The following MYPN variants were observed in gnomAD, a reference collection of about 807,000 sequenced individuals.
The protein encoded by MYPN is myopalladin, also known as sarcomeric protein myopalladin, 145 kDa (MYOP).
A neutral mutation model predicts 129.4 loss-of-function variants in MYPN; 63 were observed. The ratio of observed to expected loss-of-function variants is 0.49; its 90% CI spans 0.40 to 0.60. The LOEUF (loss-of-function observed/expected upper bound fraction) is 0.60, where lower values mean the gene tolerates loss of function less well. MYPN is among the 20% of genes least tolerant of loss of function. The pLI is 0.00. For synonymous variants in MYPN, 629 were observed against 600.9 expected, an observed-to-expected ratio of 1.05 and a Z score of -0.68; for missense variants, 1,596 against 1,635.4, an observed-to-expected ratio of 0.98 and a Z score of 0.42.
At chr10:68,115,922 A>G (rs1007333050) in intron 1 of MYPN, among the ~76,000 whole-genome samples, 3 of 152,172 alleles carry the variant, frequency 2.0e-5, no homozygotes, top group Admixed American at 2.0e-4. Context: ...AGATGGTCAC[A>G]TGAGTAACTT....
rs376769886 is a variant in MYPN, at chr10:68,136,131, C to G, written c.903-6809C>G. ...TTTAGAATAAATAGTAACCTCACAG[C>G]AGAATGGTGATAAAGAGCCAAAAGT... On this transcript the variant is annotated intron_variant, in intron 2 of 19. Transcript: ENST00000358913. 4 of 622,014 alleles carry G rather than the reference C, an allele frequency of 6.4e-6. No homozygotes were observed. In the South Asian group the frequency reaches 2.9e-4, roughly 45 times the overall value. 38.5% of individuals were successfully genotyped at this position (622,014 alleles called of 1,614,324 possible).
chr10:68,168,991 TAAAAAAAAAAAAA>T (rs71009012), intron 10 of MYPN, among the ~76,000 whole-genome samples: 2 of 80,304 alleles, frequency 2.5e-5, no homozygotes, highest in African/African-American at 6.2e-5. Flanking sequence ...GATTATTTCT[TAAAAAAAAAAAAA>T]AAAAAAAAAA....
intron 3 of MYPN, among the ~76,000 whole-genome samples, chr10:68,144,103 G>A (rs866415565): frequency 3.5e-4 from 53 of 152,128 alleles, no homozygotes; most frequent in Middle Eastern, 3.4e-3. Context: ...TATACTGCAG[G>A]GAGTCAAGGA....
chr10:68,123,721 A>ATAAATAAG (rs1417854229), intron 2 of MYPN, among the ~76,000 whole-genome samples: 34 of 139,734 alleles, frequency 2.4e-4, no homozygotes, highest in African/African-American at 6.9e-4. Context: ...AAATAAATAA[A>ATAAATAAG]TAAGTATAAT....
chr10:68,136,879 CA>C (rs1277474291), intron 2 of MYPN: 3 of 875,324 alleles, frequency 3.4e-6, no homozygotes, highest in Non-Finnish European at 3.3e-6. Context: ...TATTAAAGAA[CA>C]GACCATTTTC....
rs141983653 is a variant in MYPN, at chr10:68,121,842, C to G, written c.404C>G (p.Ala135Gly). 5.3e-5 allele frequency: 86 copies of G among 1,613,930 alleles called. No individual in the cohort carries two copies. The Admixed American group carries it at 9.8e-4, about 18-fold the overall frequency. The change falls in exon 2 of 20, where the codon GCA (alanine) becomes GGA (glycine). Residue 135 changes from alanine (A) to glycine (G), a missense_variant. Physicochemically the swap from Ala to Gly is moderately conservative, Grantham distance 60 (BLOSUM62 0). Coordinates refer to ENST00000358913, the MANE Select transcript of MYPN (RefSeq NM_032578.4). ...PTSSKESPQE[A>G]KRPQYCSETQ... ...AGCTCTAAAGAAAGCCCCCAGGAGG[C>G]AAAAAGGCCACAGTATTGTTCTGAA...
upstream of MYPN, among the ~76,000 whole-genome samples, chr10:68,104,633 T>C (rs1024738306): frequency 7.9e-5 from 12 of 152,340 alleles, no homozygotes; most frequent in African/African-American, 2.9e-4. Flanking sequence ...GCATTTGCTT[T>C]TTTCTTTCTA....
intron 10 of MYPN, among the ~76,000 whole-genome samples, chr10:68,171,161 A>C (rs2043138995): frequency 6.6e-6 from 1 of 151,048 alleles, no homozygotes; most frequent in Non-Finnish European, 1.5e-5. Flanking sequence ...AAAAAAAAGA[A>C]AGAAAGAAAG....
At position 68,109,552 on chromosome 10, in the gene MYPN, GA is replaced by G; in HGVS notation, c.-170del. On this transcript the variant is annotated 5_prime_UTR_variant, in exon 1 of 20. Coordinates refer to ENST00000358913, the MANE Select transcript of MYPN (RefSeq NM_032578.4). ...CCAGCTTCTTACAGCCATCTTCACT[GA>G]AACTAAGGTTAACTCCTCACTCTCT... is the stretch of plus-strand genomic sequence containing the variant. 2.2e-6 allele frequency: 1 copy of G among 454,060 alleles called. No homozygotes were observed. The highest frequency in any genetic ancestry group is 1.6e-5 in the South Asian group (1 of 64,470). 28.1% of individuals were successfully genotyped at this position (454,060 alleles called of 1,614,324 possible).
At chr10:68,112,302 G>A (rs769784954) in intron 1 of MYPN, among the ~76,000 whole-genome samples, 7 of 152,054 alleles carry the variant, frequency 4.6e-5, no homozygotes, top group Non-Finnish European at 8.8e-5. Flanking sequence ...TTTGAGCTCT[G>A]GCTGCAGTGT....
intron 4 of MYPN, among the ~76,000 whole-genome samples, chr10:68,147,053 T>A (rs1285670360): frequency 6.6e-6 from 1 of 152,048 alleles, no homozygotes; most frequent in Non-Finnish European, 1.5e-5. Flanking sequence ...CAATGAGCCA[T>A]AGAGAGAGAG....
intron 17 of MYPN, among the ~76,000 whole-genome samples, chr10:68,201,265 C>T (rs2043705042): frequency 6.6e-6 from 1 of 152,204 alleles, no homozygotes; most frequent in Non-Finnish European, 1.5e-5. Flanking sequence ...CAAGTATTGC[C>T]TCTCGTGGGA....
intron 12 of MYPN, among the ~76,000 whole-genome samples, chr10:68,178,881 C>T (rs1011864449): frequency 3.3e-5 from 5 of 151,852 alleles, no homozygotes; most frequent in Non-Finnish European, 7.4e-5. Flanking sequence ...ACCCCTCTAC[C>T]CCCAGCTAAT....
chr10:68,151,099 G>A (rs2042762392), intron 6 of MYPN, among the ~76,000 whole-genome samples: 1 of 152,100 alleles, frequency 6.6e-6, no homozygotes. Context: ...AAATTGTCTA[G>A]CTCAAAATGT....
At chr10:68,180,419 C>T (rs368731922) in intron 12 of MYPN, among the ~76,000 whole-genome samples, 104 of 152,356 alleles carry the variant, frequency 6.8e-4, no homozygotes, top group African/African-American at 2.4e-3. Flanking sequence ...CTCCTGAGCT[C>T]AAGCGATCCA....
chr10:68,152,301 G>C (rs575709805), intron 6 of MYPN, among the ~76,000 whole-genome samples: 3 of 152,030 alleles, frequency 2.0e-5, no homozygotes, highest in Admixed American at 2.0e-4. Flanking sequence ...GGTATAATGA[G>C]GCATGTCCCC....
chr10:68,182,509 T>TGG lies in MYPN; in HGVS notation c.2704-6395_2704-6394dup, dbSNP rs563593855. On this transcript the variant is annotated intron_variant, in intron 12 of 19. Transcript: ENST00000358913. ...ACACACACACACACATATATATATA[T>TGG]GGCATTTTTTTTTTTGAGATGGAGT... Among the ~76,000 whole-genome samples, 246 of 141,318 alleles carry TGG rather than the reference T, an allele frequency of 1.7e-3. 3 individuals carry two copies. Among genetic ancestry groups the TGG allele is most frequent in the African/African-American group, 5.9e-3 (231 of 39,468 alleles). 92.7% of individuals were successfully genotyped at this position (141,318 alleles called of 152,430 possible). A position where few individuals can be genotyped will look rare whatever the true frequency, so the allele number is the denominator to read the frequency against.
intron 1 of MYPN, among the ~76,000 whole-genome samples, chr10:68,094,422 C>T (rs886566288): frequency 6.6e-6 from 1 of 151,646 alleles, no homozygotes; most frequent in East Asian, 1.9e-4. Flanking sequence ...CCTGCCACCA[C>T]GCCCAATATT....
intron 12 of MYPN, among the ~76,000 whole-genome samples, chr10:68,182,878 A>G (rs12263333): frequency 0.013 from 1,993 of 152,262 alleles, 50 homozygotes; most frequent in African/African-American, 0.046. Flanking sequence ...AGTACTGGTT[A>G]AGATAATAAA....
Sources: allele counts gnomAD v4.1 joint callset (sites outside exome capture counted in the v4.1 genomes callset), GRCh38; gene constraint gnomAD v4.1.1; transcripts MANE v1.5; gene names NCBI Gene and HGNC (gene_info 2026-07-23, HGNC 2026-07-21).